Variants in CACNA2D3 observed in about 807,000 individuals in gnomAD.
CACNA2D3 encodes calcium voltage-gated channel auxiliary subunit alpha2delta 3.
CACNA2D3 carries 60 observed loss-of-function variants against 160.6 expected under a neutral mutation model. The observed-to-expected ratio is 0.37, with a 90% CI of 0.30 to 0.46. The LOEUF is 0.46. Among genes scored for constraint, CACNA2D3 ranks in the 20% least tolerant of loss-of-function variants. The probability of loss-of-function intolerance (pLI) is 1.00; values close to 1 mark genes in which losing one functional copy is unlikely to be tolerated. For missense variants in CACNA2D3, 1,205 were observed against 1,365.0 expected, an observed-to-expected ratio of 0.88 and a Z score of 1.85; for synonymous variants, 558 against 492.9, an observed-to-expected ratio of 1.13 and a Z score of -1.75.
In CACNA2D3 at chr3:54,313,893, AT is replaced by A. The variant is rs201946310; in HGVS notation, c.205-6536del. On this transcript the variant is annotated intron_variant, in intron 2 of 37. Transcript: ENST00000474759. ...GGCAAAGAAAGCAAGCTTTCTTTAA[AT>A]TTTTTTTTTTTTAATTTTCACATGT... Among the ~76,000 whole-genome samples, 554 of 146,524 alleles carry A rather than the reference AT, an allele frequency of 3.8e-3. 7 individuals are homozygous for A. Among genetic ancestry groups the A allele is most frequent in the Middle Eastern group, 0.011 (3 of 280 alleles).
intron 2 of CACNA2D3, among the ~76,000 whole-genome samples, chr3:54,206,187 C>G (rs1214875659): frequency 6.6e-6 from 1 of 152,136 alleles, no homozygotes; most frequent in Non-Finnish European, 1.5e-5. Context: ...TTTCGCATTT[C>G]TAGAAATGTT....
At chr3:54,227,288 T>C (rs930930829) in intron 2 of CACNA2D3, among the ~76,000 whole-genome samples, 1 of 152,152 alleles carries the variant, frequency 6.6e-6, no homozygotes, top group African/African-American at 2.4e-5. Context: ...GATTTTGCTA[T>C]GTGCTAGGCC....
At chr3:54,461,284 G>A (rs1024963102) in intron 4 of CACNA2D3, among the ~76,000 whole-genome samples, 12 of 151,170 alleles carry the variant, frequency 7.9e-5, no homozygotes, top group Non-Finnish European at 1.2e-4. Flanking sequence ...GATGATGCTG[G>A]CCTCATAAAA....
At chr3:54,300,790 G>A (rs1308793228) in intron 2 of CACNA2D3, among the ~76,000 whole-genome samples, 5 of 152,134 alleles carry the variant, frequency 3.3e-5, no homozygotes, top group Non-Finnish European at 7.3e-5. Context: ...TGAGGTAGGA[G>A]GATCACTTGA....
intron 3 of CACNA2D3, among the ~76,000 whole-genome samples, chr3:54,371,058 A>G (rs970393054): frequency 5.3e-5 from 8 of 152,132 alleles, no homozygotes; most frequent in African/African-American, 1.9e-4. Flanking sequence ...TATTCCTTTT[A>G]TTGCTGAATG....
chr3:54,465,545 G>T (rs982789305), intron 4 of CACNA2D3, among the ~76,000 whole-genome samples: 1 of 152,088 alleles, frequency 6.6e-6, no homozygotes, highest in Admixed American at 6.6e-5. Context: ...GTATCTCTGT[G>T]GATAAGAGTG....
At chr3:54,704,639 CG>C (rs1259901693) in intron 11 of CACNA2D3, among the ~76,000 whole-genome samples, 2 of 152,108 alleles carry the variant, frequency 1.3e-5, no homozygotes, top group African/African-American at 2.4e-5. Context: ...CACAGCTGTA[CG>C]GGGGTGGAAT....
intron 3 of CACNA2D3, among the ~76,000 whole-genome samples, chr3:54,372,736 C>G (rs765625675): frequency 3.9e-5 from 6 of 152,126 alleles, no homozygotes; most frequent in Non-Finnish European, 7.4e-5. Flanking sequence ...GTATGAATAA[C>G]GTTCCATAAA....
intron 2 of CACNA2D3, among the ~76,000 whole-genome samples, chr3:54,239,416 C>T (rs188914959): frequency 1.4e-4 from 21 of 152,294 alleles, no homozygotes; most frequent in African/African-American, 5.1e-4. Context: ...GATGGAGAGA[C>T]AAGATATATA....
At chr3:54,435,616 C>A (rs1264616027) in intron 4 of CACNA2D3, among the ~76,000 whole-genome samples, 1 of 152,154 alleles carries the variant, frequency 6.6e-6, no homozygotes, top group East Asian at 1.9e-4. Flanking sequence ...GGAATGCCTG[C>A]AAAATGAAGA....
At chr3:54,258,179 G>A (rs369225731) in intron 2 of CACNA2D3, among the ~76,000 whole-genome samples, 3 of 152,262 alleles carry the variant, frequency 2.0e-5, no homozygotes, top group African/African-American at 7.2e-5. Flanking sequence ...GTACTTCTAG[G>A]AATGGTAATA....
At chr3:54,960,517 A>G (rs79678656) in intron 27 of CACNA2D3, among the ~76,000 whole-genome samples, 1,850 of 152,292 alleles carry the variant, frequency 0.012, 32 homozygotes, top group African/African-American at 0.042. Context: ...ATAATACCAT[A>G]GCTTGGAGAT....
intron 5 of CACNA2D3, among the ~76,000 whole-genome samples, chr3:54,534,391 C>A (rs1021070800): frequency 6.6e-6 from 1 of 152,128 alleles, no homozygotes; most frequent in African/African-American, 2.4e-5. Flanking sequence ...GATAGAAGAG[C>A]TTCCCTGCCC....
At chr3:54,961,668 G>C (rs1027729567) in intron 27 of CACNA2D3, among the ~76,000 whole-genome samples, 1 of 152,134 alleles carries the variant, frequency 6.6e-6, no homozygotes, top group Non-Finnish European at 1.5e-5. Flanking sequence ...TGATTGATGT[G>C]CACAGGAAGC....
In CACNA2D3 at chr3:54,127,433, A is replaced by T. The variant is rs1309196089; in HGVS notation, c.204+3839A>T. Among the ~76,000 whole-genome samples, 3 of 152,352 alleles carry T rather than the reference A, an allele frequency of 2.0e-5. No individual in the cohort carries two copies. The East Asian group carries it at 5.8e-4, about 29-fold the overall frequency. On this transcript the variant is annotated intron_variant, in intron 2 of 37. Coordinates refer to ENST00000474759, the MANE Select transcript of CACNA2D3 (RefSeq NM_018398.3). ...GGTGCTTTAAGCCATTTTTATAATT[A>T]TGACTTTTCATCAATGTGAAAATCG...
At chr3:54,610,575 C>G (rs1419389571) in intron 9 of CACNA2D3, among the ~76,000 whole-genome samples, 1 of 151,946 alleles carries the variant, frequency 6.6e-6, no homozygotes, top group Non-Finnish European at 1.5e-5. Context: ...TATCTGGCTT[C>G]TATATTTCAG....
At chr3:54,403,353 T>TGAAA (rs1413788845) in intron 4 of CACNA2D3, among the ~76,000 whole-genome samples, 56 of 100,394 alleles carry the variant, frequency 5.6e-4, no homozygotes, top group African/African-American at 2.3e-3. Context: ...GGACCCTATC[T>TGAAA]CAAACACACA....
chr3:55,004,647 T>C (rs1703050893), intron 31 of CACNA2D3, 116 bp from the exon 32 acceptor site: 1 of 680,878 alleles, frequency 1.5e-6, no homozygotes. Flanking sequence ...TAGGGCTGCA[T>C]GGTGTTTGTC....
intron 3 of CACNA2D3, among the ~76,000 whole-genome samples, chr3:54,336,424 T>C (rs1203772904): frequency 6.6e-6 from 1 of 152,176 alleles, no homozygotes; most frequent in African/African-American, 2.4e-5. Flanking sequence ...CCTGAGCTCA[T>C]TGGCCCCAGC....
Sources: allele counts gnomAD v4.1 joint callset (sites outside exome capture counted in the v4.1 genomes callset), GRCh38; gene constraint gnomAD v4.1.1; transcripts MANE v1.5; gene names NCBI Gene and HGNC (gene_info 2026-07-23, HGNC 2026-07-21).